Variants in CRTAC1 observed in about 807,000 individuals in gnomAD.
The protein encoded by CRTAC1 is cartilage acidic protein 1.
Under a neutral mutation model 67.8 loss-of-function variants are expected in CRTAC1, and 37 were observed. The ratio of observed to expected loss-of-function variants is 0.55; its 90% CI spans 0.42 to 0.72. The LOEUF is 0.72. CRTAC1 is among the 30% of genes least tolerant of loss of function. CRTAC1 has a pLI of 0.00. For synonymous variants in CRTAC1, 348 were observed against 371.0 expected (o/e 0.94, Z 0.71); for missense variants, 780 against 931.6 (o/e 0.84, Z 2.12).
intron 1 of CRTAC1, among the ~76,000 whole-genome samples, chr10:98,014,238 G>A (rs1162678695): frequency 6.6e-6 from 1 of 152,186 alleles, no homozygotes; most frequent in Non-Finnish European, 1.5e-5. Context: ...GGAGCTTGTT[G>A]GAAATGCAGA....
At chr10:98,007,762 C>T (rs1167112857) in intron 2 of CRTAC1, among the ~76,000 whole-genome samples, 3 of 152,190 alleles carry the variant, frequency 2.0e-5, no homozygotes, top group African/African-American at 7.2e-5. Flanking sequence ...ATAGGACCCA[C>T]ATAAACAGCA....
Position 97,928,324 on chromosome 10 carries a change from T to C in CRTAC1, c.422-4924A>G, listed in dbSNP as rs117438931. Among the ~76,000 whole-genome samples the C allele has an allele frequency of 7.9e-5, 12 of 152,200 alleles. No individual in the cohort carries two copies. In the East Asian group the frequency reaches 9.7e-4, roughly 12 times the overall value. On this transcript the variant is annotated intron_variant, in intron 3 of 14. Transcript: ENST00000370597. The stretch of plus-strand genomic sequence containing the variant: ...GGGCCAGGTGCTACACCAGATGCCG[T>C]TGGAGGCTGGGGGAAGTACGCCTTG...
At chr10:97,898,649 C>A (rs1019681448) in intron 8 of CRTAC1, among the ~76,000 whole-genome samples, 3 of 152,074 alleles carry the variant, frequency 2.0e-5, no homozygotes, top group Non-Finnish European at 4.4e-5. Flanking sequence ...AGAAGGTTTT[C>A]GGTGGGAAAG....
chr10:97,951,107 G>C (rs188825522), intron 2 of CRTAC1, among the ~76,000 whole-genome samples: 9 of 152,302 alleles, frequency 5.9e-5, no homozygotes, highest in Admixed American at 5.9e-4. Context: ...TGGGCCACGT[G>C]GTGTTGGACC....
intron 3 of CRTAC1, among the ~76,000 whole-genome samples, chr10:97,934,196 G>A (rs1196402294): frequency 6.6e-6 from 1 of 152,140 alleles, no homozygotes; most frequent in African/African-American, 2.4e-5. Flanking sequence ...CCTTCTATAG[G>A]CATCCCTTGA....
At chr10:98,003,994 C>A (rs368223675) in intron 2 of CRTAC1, among the ~76,000 whole-genome samples, 18 of 152,178 alleles carry the variant, frequency 1.2e-4, no homozygotes, top group African/African-American at 4.1e-4. Context: ...TGCTAGGTAA[C>A]CTTTTTTAGA....
At chr10:98,014,932 C>T (rs1392942373) in intron 1 of CRTAC1, among the ~76,000 whole-genome samples, 16 of 152,166 alleles carry the variant, frequency 1.1e-4, no homozygotes, top group Admixed American at 1.0e-3. Flanking sequence ...TATGATCTAG[C>T]AATTCCACTT....
intron 14 of CRTAC1, chr10:97,866,756 A>C (rs1423098149): frequency 6.6e-6 from 1 of 152,178 alleles, no homozygotes; most frequent in Admixed American, 6.5e-5. Context: ...ATGTGCATGA[A>C]CATGTGTGCA....
intron 3 of CRTAC1, among the ~76,000 whole-genome samples, chr10:97,934,583 C>T (rs2051053043): frequency 6.6e-6 from 1 of 152,134 alleles, no homozygotes; most frequent in South Asian, 2.1e-4. Flanking sequence ...GCTCAACAAC[C>T]AGTAATGGTA....
intron 2 of CRTAC1, among the ~76,000 whole-genome samples, chr10:97,990,406 T>C (rs1590269114): frequency 6.6e-6 from 1 of 152,368 alleles, no homozygotes; most frequent in Admixed American, 6.5e-5. Flanking sequence ...AGGCATGAAC[T>C]GTGACACTTA....
rs774277234 is a variant in CRTAC1 at position 97,917,620 on chromosome 10, C to T, written c.595G>A (p.Ala199Thr). 2.5e-6 allele frequency: 4 copies of T among 1,596,532 alleles called. No homozygotes were observed. Among genetic ancestry groups the T allele is most frequent in the East Asian group, 2.3e-5 (1 of 44,292 alleles). Reference sequence around the variant, plus strand: ...GCATCAGGGCCCACATTACCGTAGGCGTAATTGGCAATGTAGATAGAGTAG... The same window carrying T: ...GCATCAGGGCCCACATTACCGTAGGTGTAATTGGCAATGTAGATAGAGTAG... ...GRYSIYIANY[A>T]YGNVGPDALI... Residue 199 changes from alanine (A) to threonine (T), a missense_variant, in exon 5 of 15, where the codon GCC (alanine) becomes ACC (threonine). By Grantham distance (58) the Ala-to-Thr change is moderately conservative. Transcript: ENST00000370597.
chr10:97,907,701 G>A (rs1329399455), intron 6 of CRTAC1, among the ~76,000 whole-genome samples: 1 of 152,088 alleles, frequency 6.6e-6, no homozygotes, highest in African/African-American at 2.4e-5. Flanking sequence ...GAGGCAGCTT[G>A]GAGGATAGGT....
chr10:97,973,371 GT>G (rs2051745981), intron 2 of CRTAC1, among the ~76,000 whole-genome samples: 1 of 151,644 alleles, frequency 6.6e-6, no homozygotes, highest in South Asian at 2.1e-4. Flanking sequence ...GCTCTTTTTC[GT>G]GCCTGAAATG....
chr10:97,892,674 C>A (rs904572863), intron 11 of CRTAC1, among the ~76,000 whole-genome samples: 3 of 152,194 alleles, frequency 2.0e-5, no homozygotes, highest in Non-Finnish European at 4.4e-5. Flanking sequence ...AACCACTCAG[C>A]CCAGTGCCTG....
At chr10:97,981,387 G>A (rs185744135) in intron 2 of CRTAC1, among the ~76,000 whole-genome samples, 1 of 152,232 alleles carries the variant, frequency 6.6e-6, no homozygotes, top group African/African-American at 2.4e-5. Flanking sequence ...GGATTCTGCT[G>A]TATCAAGTTT....
intron 2 of CRTAC1, among the ~76,000 whole-genome samples, chr10:97,994,146 C>T (rs938816945): frequency 9.2e-5 from 14 of 152,150 alleles, no homozygotes; most frequent in African/African-American, 3.1e-4. Context: ...CATGAGCCAC[C>T]GCGCCTGGCC....
intron 3 of CRTAC1, among the ~76,000 whole-genome samples, chr10:97,923,807 A>C (rs1223595263): frequency 6.6e-6 from 1 of 152,168 alleles, no homozygotes; most frequent in Non-Finnish European, 1.5e-5. Context: ...CTGTCCCTAC[A>C]TTCTCTACTG....
At chr10:97,954,334 C>T (rs995207543) in intron 2 of CRTAC1, among the ~76,000 whole-genome samples, 4 of 152,122 alleles carry the variant, frequency 2.6e-5, no homozygotes, top group South Asian at 2.1e-4. Flanking sequence ...GGCTCCTGTC[C>T]GCACCATCAT....
rs1843304963 is a variant in CRTAC1 at position 98,029,195 on chromosome 10, C to T, written c.24+1254G>A. On this transcript the variant is annotated intron_variant, in intron 1 of 14. Transcript: ENST00000370597. This position sits in a 1 kb window ranked among gnomAD's most constrained non-coding sequence, Gnocchi z 4.7. Reference sequence around the variant, plus strand: ...TGAGGGTGAGGTACTCTGTGACTCTCAATGAGCTCTAATTCAGTCTTGGAC... The same window carrying T: ...TGAGGGTGAGGTACTCTGTGACTCTTAATGAGCTCTAATTCAGTCTTGGAC... Among the ~76,000 whole-genome samples the T allele has an allele frequency of 6.6e-6, 1 of 152,174 alleles. No homozygotes were observed. Among genetic ancestry groups the T allele is most frequent in the African/African-American group, 2.4e-5 (1 of 41,446 alleles).
Sources: allele counts gnomAD v4.1 joint callset (sites outside exome capture counted in the v4.1 genomes callset), GRCh38; gene constraint gnomAD v4.1.1; non-coding constraint Gnocchi (gnomAD v3.1); transcripts MANE v1.5; gene names NCBI Gene and HGNC (gene_info 2026-07-23, HGNC 2026-07-21).